The following FAM162B variants were observed in gnomAD, a reference collection of about 807,000 sequenced individuals.
FAM162B encodes the protein protein FAM162B.
A neutral mutation model predicts 20.0 loss-of-function variants in FAM162B; 16 were observed. That is an observed-to-expected ratio of 0.80 (90% CI 0.54 to 1.21). The LOEUF (loss-of-function observed/expected upper bound fraction) is 1.21. FAM162B is among the 50% of genes most tolerant of loss of function. The probability of loss-of-function intolerance (pLI) is 0.00; values close to 1 mark genes in which losing one functional copy is unlikely to be tolerated. For missense variants in FAM162B, 260 were observed against 227.5 expected (o/e 1.14, Z -0.92); for synonymous variants, 83 against 89.7 (o/e 0.93, Z 0.42).
intron 3 of FAM162B, among the ~76,000 whole-genome samples, chr6:116,757,709 A>G (rs1232314083): frequency 6.7e-6 from 1 of 149,476 alleles, no homozygotes; most frequent in Admixed American, 6.7e-5. Context: ...AGATCATGCC[A>G]CTGCACTCCA....
At chr6:116,764,499 G>A (rs1771865947) in intron 2 of FAM162B, among the ~76,000 whole-genome samples, 1 of 151,862 alleles carries the variant, frequency 6.6e-6, no homozygotes, top group Non-Finnish European at 1.5e-5. Flanking sequence ...TACCTTAGAG[G>A]GGGAGTTATT....
chr6:116,759,569 A>T (rs1207982026), intron 3 of FAM162B, among the ~76,000 whole-genome samples: 1 of 151,882 alleles, frequency 6.6e-6, no homozygotes, highest in Non-Finnish European at 1.5e-5. Flanking sequence ...GGCCTCCCAA[A>T]GTGCTGGGAT....
At chr6:116,753,930 G>A (rs767778882) in intron 3 of FAM162B, among the ~76,000 whole-genome samples, 1 of 152,150 alleles carries the variant, frequency 6.6e-6, no homozygotes, top group Non-Finnish European at 1.5e-5. Flanking sequence ...GAAACCAAGC[G>A]AAGAAACCGT....
chr6:116,756,301 G>A (rs1449674115), intron 3 of FAM162B, among the ~76,000 whole-genome samples: 2 of 152,228 alleles, frequency 1.3e-5, no homozygotes, highest in East Asian at 1.9e-4. Flanking sequence ...AGTGGAGGAA[G>A]TATGAGGAAG....
chr6:116,765,366 C>T (rs1408216682), intron 1 of FAM162B, 39 bp downstream of exon 1: 3 of 1,511,612 alleles, frequency 2.0e-6, no homozygotes, highest in African/African-American at 1.4e-5. Context: ...CCCGCAACCT[C>T]CTCCCTCCCA....
chr6:116,754,174 A>T (rs1367199716), intron 3 of FAM162B, among the ~76,000 whole-genome samples: 3 of 152,186 alleles, frequency 2.0e-5, no homozygotes, highest in Non-Finnish European at 4.4e-5. Context: ...ATGTGCCAGA[A>T]TTTCTGTAGA....
chr6:116,762,712 T>A (rs1402144758), intron 2 of FAM162B, among the ~76,000 whole-genome samples: 1 of 152,100 alleles, frequency 6.6e-6, no homozygotes, highest in Admixed American at 6.5e-5. Context: ...TTCATTTTAA[T>A]GTTATTATTA....
chr6:116,764,411 G>T (rs1012598784), intron 2 of FAM162B, among the ~76,000 whole-genome samples: 1 of 152,012 alleles, frequency 6.6e-6, no homozygotes, highest in Non-Finnish European at 1.5e-5. Flanking sequence ...TTTTGGGCTT[G>T]GCAGAAACAG....
intron 3 of FAM162B, among the ~76,000 whole-genome samples, chr6:116,755,603 A>G (rs1386847622): frequency 1.3e-5 from 2 of 152,228 alleles, no homozygotes; most frequent in African/African-American, 2.4e-5. Flanking sequence ...CAGTTTTTCA[A>G]TGAAGACAAA....
At chr6:116,762,408 G>A (rs1434787479) in intron 2 of FAM162B, among the ~76,000 whole-genome samples, 6 of 152,106 alleles carry the variant, frequency 3.9e-5, no homozygotes, top group South Asian at 2.1e-4. Context: ...TGGGGTAAAG[G>A]AAGAGTTAAA....
chr6:116,759,666 C>T (rs778347466), intron 3 of FAM162B, among the ~76,000 whole-genome samples: 4 of 152,038 alleles, frequency 2.6e-5, no homozygotes, highest in Non-Finnish European at 5.9e-5. Flanking sequence ...TAAATCTTGT[C>T]ACTATCTTGC....
At position 116,762,067 on chromosome 6, in the gene FAM162B, G is replaced by A. The variant is rs763643940; in HGVS notation, c.300C>T (p.Thr100=). The part of the protein sequence containing the change: ...PPRIPPEMID[T]ARNKARVKAC... Reference sequence around the variant, plus strand: ...CTTTCACTCGAGCTTTGTTTCTTGCGGTGTCTATCATTTCTGGCCTAAACA... The same window carrying A: ...CTTTCACTCGAGCTTTGTTTCTTGCAGTGTCTATCATTTCTGGCCTAAACA... Residue 100 remains threonine (T), a synonymous_variant, in exon 3 of 4, where the codon ACC becomes ACT. Coordinates refer to ENST00000368557, the MANE Select transcript of FAM162B (RefSeq NM_001085480.3). The A allele has an allele frequency of 2.7e-5, 43 of 1,586,474 alleles. No homozygotes were observed. Among genetic ancestry groups the A allele is most frequent in the Middle Eastern group, 1.7e-4 (1 of 5,958 alleles).
In FAM162B at chr6:116,765,147, G is replaced by A; in HGVS notation, c.281C>T (p.Pro94Leu). 1.2e-6 allele frequency: 2 copies of A among 1,612,986 alleles called. No individual in the cohort carries two copies. The highest frequency in any genetic ancestry group is 1.7e-6 in the Non-Finnish European group (2 of 1,179,852). ...KSMEEIPPRI[P>L]PEMIDTARNK... ...TTCGCGCGGCGGTCGCCACACTTAC[G>A]GGATCCGAGGCGGGATCTCCTCCAT... The change falls in exon 2 of 4, where the codon CCG becomes CTG. Residue 94 changes from proline (P) to leucine (L), a missense_variant and splice_region_variant. Pro to Leu is a moderately conservative substitution (Grantham distance 98). Transcript: ENST00000368557.
At chr6:116,752,727 TA>T in intron 3 of FAM162B, 32 bp from the exon 4 acceptor site, 2 of 614,956 alleles carry the variant, frequency 3.3e-6, no homozygotes, top group South Asian at 3.6e-5. Context: ...TATATATATA[TA>T]TATATAGATA....
Position 116,752,656 on chromosome 6 carries a change from C to G in FAM162B, c.430G>C (p.Ala144Pro). ...RHESLTSWNL[A>P]KKAKWREEAA... is the part of the protein sequence containing the mutation. ...TCTTCACGCCACTTAGCTTTCTTTG[C>G]CAAGTTCCAACTTGTTAAGGATTCA... The change falls in exon 4 of 4, where the codon GCA becomes CCA. Residue 144 changes from alanine (A) to proline (P), a missense_variant. By Grantham distance (27) the Ala-to-Pro change is conservative. Transcript: ENST00000368557. 1 of 1,587,850 alleles carries G rather than the reference C, an allele frequency of 6.3e-7. No homozygotes were observed. The highest frequency in any genetic ancestry group is 8.6e-7 in the Non-Finnish European group (1 of 1,165,672).
chr6:116,763,494 T>G (rs1180256161), intron 2 of FAM162B, among the ~76,000 whole-genome samples: 2 of 152,150 alleles, frequency 1.3e-5, no homozygotes, highest in Non-Finnish European at 2.9e-5. Flanking sequence ...TCAAATACTT[T>G]TATGTTTCCA....
At chr6:116,753,419 T>C (rs962096509) in intron 3 of FAM162B, among the ~76,000 whole-genome samples, 52 of 152,296 alleles carry the variant, frequency 3.4e-4, no homozygotes, top group African/African-American at 1.1e-3. Context: ...TGTATATTGG[T>C]ATCTCAGGAG....
At chr6:116,763,125 G>GTT (rs1771825189) in intron 2 of FAM162B, among the ~76,000 whole-genome samples, 1 of 152,134 alleles carries the variant, frequency 6.6e-6, no homozygotes, top group Non-Finnish European at 1.5e-5. Flanking sequence ...AGTGATGTAA[G>GTT]TTTTAAGATG....
At chr6:116,759,510 T>G (rs930397821) in intron 3 of FAM162B, among the ~76,000 whole-genome samples, 1 of 151,836 alleles carries the variant, frequency 6.6e-6, no homozygotes, top group South Asian at 2.1e-4. Context: ...AGCTTCACCG[T>G]GTTAGCCAGG....
Sources: gnomAD v4.1 joint callset for allele counts (sites outside exome capture counted in the v4.1 genomes callset) on GRCh38, gnomAD v4.1.1 for gene constraint, MANE v1.5 for transcripts, NCBI Gene and HGNC (gene_info 2026-07-23, HGNC 2026-07-21) for gene names.